The following MEIKIN variants were observed in gnomAD, a reference collection of about 807,000 sequenced individuals.
The protein encoded by MEIKIN is meiosis-specific kinetochore protein.
At chr5:131,918,909 C>A (rs1458429057) in intron 6 of MEIKIN, among the ~76,000 whole-genome samples, 1 of 152,102 alleles carries the variant, frequency 6.6e-6, no homozygotes, top group Non-Finnish European at 1.5e-5. Flanking sequence ...TGACATAAGA[C>A]CCTATGATCT....
At chr5:131,877,351 G>C (rs911873838) in intron 9 of MEIKIN, among the ~76,000 whole-genome samples, 1 of 151,952 alleles carries the variant, frequency 6.6e-6, no homozygotes, top group Non-Finnish European at 1.5e-5. Flanking sequence ...TTCCCTAAAG[G>C]CCTCCAGATT....
intron 12 of MEIKIN, among the ~76,000 whole-genome samples, chr5:131,815,278 A>G (rs1046874288): frequency 1.3e-5 from 2 of 152,228 alleles, no homozygotes; most frequent in Middle Eastern, 3.2e-3. Flanking sequence ...TTGAAGATTC[A>G]GTTATAGCAC....
chr5:131,871,123 A>G (rs1227434600), intron 9 of MEIKIN, among the ~76,000 whole-genome samples: 6 of 152,246 alleles, frequency 3.9e-5, no homozygotes, highest in Non-Finnish European at 8.8e-5. Flanking sequence ...TACCCGGTTC[A>G]TCTCACTGGG....
At chr5:131,829,419 A>T (rs1561724802) in intron 11 of MEIKIN, among the ~76,000 whole-genome samples, 1 of 152,182 alleles carries the variant, frequency 6.6e-6, no homozygotes, top group South Asian at 2.1e-4. Flanking sequence ...AGTTCCCAGG[A>T]TGATGGTACG....
chr5:131,915,980 C>T (rs1751410163), intron 7 of MEIKIN, among the ~76,000 whole-genome samples: 1 of 152,038 alleles, frequency 6.6e-6, no homozygotes, highest in Non-Finnish European at 1.5e-5. Context: ...AGTGGATCTA[C>T]AAAGAAGTTA....
At chr5:131,874,866 G>C (rs1219092885) in intron 9 of MEIKIN, among the ~76,000 whole-genome samples, 1 of 152,154 alleles carries the variant, frequency 6.6e-6, no homozygotes, top group Non-Finnish European at 1.5e-5. Context: ...ATGTAATCCA[G>C]CATATAAACA....
At chr5:131,895,882 T>A (rs1416361103) in intron 8 of MEIKIN, among the ~76,000 whole-genome samples, 1 of 152,234 alleles carries the variant, frequency 6.6e-6, no homozygotes, top group African/African-American at 2.4e-5. Context: ...TGTCTCTATC[T>A]CCTTCAGTTC....
intron 9 of MEIKIN, among the ~76,000 whole-genome samples, chr5:131,878,082 G>C (rs948664298): frequency 6.6e-6 from 1 of 152,140 alleles, no homozygotes; most frequent in Admixed American, 6.5e-5. Flanking sequence ...CACATCCACT[G>C]GGGGTCTTGG....
intron 11 of MEIKIN, among the ~76,000 whole-genome samples, chr5:131,822,676 A>G (rs1749535633): frequency 6.6e-6 from 1 of 152,030 alleles, no homozygotes; most frequent in Non-Finnish European, 1.5e-5. Context: ...TTACTGGTTC[A>G]CTGTTTAGTG....
At chr5:131,871,164 G>A (rs916578092) in intron 9 of MEIKIN, among the ~76,000 whole-genome samples, 4 of 152,208 alleles carry the variant, frequency 2.6e-5, no homozygotes, top group South Asian at 2.1e-4. Flanking sequence ...CGGACAGTGG[G>A]TGCAGTGCAC....
chr5:131,935,267 CA>C (rs749135114), intron 4 of MEIKIN, among the ~76,000 whole-genome samples: 826 of 36,620 alleles, frequency 0.023, no homozygotes, highest in African/African-American at 0.038. Context: ...CCCGTCTCTA[CA>C]AAAAAAAAAA....
At chr5:131,938,023 T>C (rs913663078) in intron 4 of MEIKIN, among the ~76,000 whole-genome samples, 4 of 152,146 alleles carry the variant, frequency 2.6e-5, no homozygotes, top group African/African-American at 9.7e-5. Context: ...TTAATAATTT[T>C]CCTTCTGTTT....
At chr5:131,898,885 G>A (rs1751102239) in intron 8 of MEIKIN, among the ~76,000 whole-genome samples, 1 of 152,194 alleles carries the variant, frequency 6.6e-6, no homozygotes, top group African/African-American at 2.4e-5. Context: ...CACTTCCCGG[G>A]TAAGGCAATG....
At chr5:131,837,636 GT>G (rs1157007535) in intron 11 of MEIKIN, among the ~76,000 whole-genome samples, 1 of 151,962 alleles carries the variant, frequency 6.6e-6, no homozygotes, top group East Asian at 1.9e-4. Flanking sequence ...ATAGAATTGT[GT>G]TTCTGATTTG....
At chr5:131,910,540 TA>T (rs1751317126) in intron 8 of MEIKIN, among the ~76,000 whole-genome samples, 1 of 152,040 alleles carries the variant, frequency 6.6e-6, no homozygotes, top group Admixed American at 6.6e-5. Flanking sequence ...ATGACTGTAG[TA>T]AAAAATAATT....
At chr5:131,893,067 C>A (rs953583783) in intron 8 of MEIKIN, among the ~76,000 whole-genome samples, 6 of 152,236 alleles carry the variant, frequency 3.9e-5, no homozygotes, top group African/African-American at 1.4e-4. Context: ...TCTGATCGTT[C>A]CTCTGGAAGT....
intron 11 of MEIKIN, among the ~76,000 whole-genome samples, chr5:131,822,783 T>C (rs1311292763): frequency 6.6e-6 from 1 of 152,204 alleles, no homozygotes; most frequent in Non-Finnish European, 1.5e-5. Context: ...GTTTTCTACC[T>C]TTAGGTGATT....
chr5:131,867,953 C>G (rs963998187), intron 9 of MEIKIN, among the ~76,000 whole-genome samples: 1 of 152,128 alleles, frequency 6.6e-6, no homozygotes, highest in African/African-American at 2.4e-5. Flanking sequence ...AAACCATTTT[C>G]CAAAGTGACT....
intron 8 of MEIKIN, among the ~76,000 whole-genome samples, chr5:131,909,052 C>A (rs182582527): frequency 2.2e-3 from 332 of 152,166 alleles, no homozygotes; most frequent in African/African-American, 5.9e-3. Context: ...CAATGAAATT[C>A]TTCATACAAA....
Sources: allele counts gnomAD v4.1 joint callset (sites outside exome capture counted in the v4.1 genomes callset), GRCh38; gene constraint gnomAD v4.1.1; transcripts MANE v1.5; gene names NCBI Gene and HGNC (gene_info 2026-07-23, HGNC 2026-07-21).